CYP20A1: variants seen among roughly 807,000 people sequenced by gnomAD.
CYP20A1 encodes the protein cytochrome P450 family 20 subfamily A member 1.
Under a neutral mutation model 61.4 loss-of-function variants are expected in CYP20A1, and 61 were observed. The ratio of observed to expected loss-of-function variants is 0.99; its 90% CI spans 0.81 to 1.23. The LOEUF (loss-of-function observed/expected upper bound fraction) is 1.23, where lower values mean the gene tolerates loss of function less well. Ranked by LOEUF, CYP20A1 falls within the 50% of genes most tolerant of loss-of-function variation. The pLI is 0.00. For synonymous variants in CYP20A1, 193 were observed against 188.2 expected, an observed-to-expected ratio of 1.03 and a Z score of -0.21; for missense variants, 530 against 542.4, an observed-to-expected ratio of 0.98 and a Z score of 0.23.
intron 5 of CYP20A1, among the ~76,000 whole-genome samples, chr2:203,269,361 G>A (rs1317935771): frequency 6.6e-6 from 1 of 151,272 alleles, no homozygotes; most frequent in African/African-American, 2.4e-5. Context: ...AGACTGAGGG[G>A]AGGATCACTT....
intron 1 of CYP20A1, among the ~76,000 whole-genome samples, chr2:203,243,661 G>A (rs2066340665): frequency 6.7e-6 from 1 of 149,812 alleles, no homozygotes; most frequent in African/African-American, 2.5e-5. Context: ...TGGGATTACA[G>A]GTATGAGCCA....
At chr2:203,258,005 G>GCACAATTATAGCACACTTGAGC (rs1455916330) in intron 4 of CYP20A1, among the ~76,000 whole-genome samples, 1 of 151,752 alleles carries the variant, frequency 6.6e-6, no homozygotes. Flanking sequence ...GGGCTGAAGG[G>GCACAATTATAGCACACTTGAGC]ATCCTCCTGC....
At chr2:203,251,812 TATATAA>T (rs1321099417) in intron 3 of CYP20A1, among the ~76,000 whole-genome samples, 149 bp from the exon 4 acceptor site, 6 of 105,074 alleles carry the variant, frequency 5.7e-5, no homozygotes, top group African/African-American at 9.4e-5. Context: ...TATATATATA[TATATAA>T]AAAATAAAAA....
rs2069078905 is a variant in CYP20A1, at chr2:203,302,955, T to G, written c.*6047T>G. 6.6e-6 allele frequency among the ~76,000 whole-genome samples: 1 copy of G among 151,900 alleles called. No individual in the cohort carries two copies. The highest frequency in any genetic ancestry group is 2.4e-5 in the African/African-American group (1 of 41,328). On this transcript the variant is annotated 3_prime_UTR_variant, in exon 13 of 13. Coordinates refer to ENST00000356079, the MANE Select transcript of CYP20A1 (RefSeq NM_177538.3). ...ATCTGCCCAACTCAGCCTCCCAGAG[T>G]GCTGGGATTACAAGCATGAGCCACC...
At position 203,297,280 on chromosome 2, in the gene CYP20A1, A is replaced by C. The variant is rs2068842725; in HGVS notation, c.*372A>C. ...TGTTTGTTGAATATGTATAAAATAG[A>C]AACATAGGCTGGGCGCGGTGGCTCA... On this transcript the variant is annotated 3_prime_UTR_variant, in exon 13 of 13. Transcript: ENST00000356079. 1 of 175,906 alleles carries C rather than the reference A, an allele frequency of 5.7e-6. No individual in the cohort carries two copies. The highest frequency in any genetic ancestry group is 5.8e-5 in the Admixed American group (1 of 17,368). 10.9% of individuals were successfully genotyped at this position (175,906 alleles called of 1,614,324 possible).
rs1157985963 is a variant in CYP20A1, at chr2:203,302,471, CT to C, written c.*5564del. The stretch of plus-strand genomic sequence containing the variant: ...ATGGCTTGAGCTCAGGAAGTCAAGG[CT>C]ACAGTGAGCTGTGGTAGTGCCACTG... On this transcript the variant is annotated 3_prime_UTR_variant, in exon 13 of 13. Transcript: ENST00000356079. 1.3e-5 allele frequency among the ~76,000 whole-genome samples: 2 copies of C among 152,164 alleles called. No individual in the cohort carries two copies. The highest frequency in any genetic ancestry group is 2.9e-5 in the Non-Finnish European group (2 of 68,026).
In CYP20A1 at chr2:203,304,757, G is replaced by A. The variant is rs1375631529; in HGVS notation, c.*7849G>A. On this transcript the variant is annotated 3_prime_UTR_variant, in exon 13 of 13. Coordinates refer to ENST00000356079, the MANE Select transcript of CYP20A1 (RefSeq NM_177538.3). ...TTGAGACTAGCCTAGGCAACATGGC[G>A]AAACTGCATCTCTACAAAAAATACA... Among the ~76,000 whole-genome samples, 1 of 152,066 alleles carries A rather than the reference G, an allele frequency of 6.6e-6. No homozygotes were observed. The highest frequency in any genetic ancestry group is 1.5e-5 in the Non-Finnish European group (1 of 68,008).
chr2:203,298,908 G>A lies in CYP20A1; in HGVS notation c.*2000G>A, dbSNP rs1007969758. Among the ~76,000 whole-genome samples, 15 of 149,342 alleles carry A rather than the reference G, an allele frequency of 1.0e-4. No homozygotes were observed. The highest frequency in any genetic ancestry group is 4.0e-4 in the Admixed American group (6 of 14,940). ...AAATTATCTGGACATGCTGGCGTGC[G>A]CCTGTAGTCTCAGCTACTTGGGAGG... is the stretch of plus-strand genomic sequence containing the variant. On this transcript the variant is annotated 3_prime_UTR_variant, in exon 13 of 13. Transcript: ENST00000356079.
At chr2:203,263,715 A>G (rs1575205061) in intron 4 of CYP20A1, among the ~76,000 whole-genome samples, 1 of 152,282 alleles carries the variant, frequency 6.6e-6, no homozygotes, top group South Asian at 2.1e-4. Context: ...CCAGAAAGGT[A>G]GAATTTTTCT....
intron 5 of CYP20A1, among the ~76,000 whole-genome samples, chr2:203,271,657 C>G (rs1254593582): frequency 6.6e-6 from 1 of 152,058 alleles, no homozygotes; most frequent in Admixed American, 6.6e-5. Flanking sequence ...TTTTCTTTAC[C>G]TCAGCCAATG....
chr2:203,268,665 A>C (rs1257101271), intron 5 of CYP20A1, among the ~76,000 whole-genome samples: 1 of 151,688 alleles, frequency 6.6e-6, no homozygotes, highest in African/African-American at 2.4e-5. Flanking sequence ...CTTTCAAAGA[A>C]TTTTTTTTAT....
chr2:203,262,986 T>C (rs988924037), intron 4 of CYP20A1, among the ~76,000 whole-genome samples: 2 of 149,834 alleles, frequency 1.3e-5, no homozygotes, highest in Admixed American at 6.7e-5. Context: ...CAAGTGCTTT[T>C]TGTTTTCTGT....
chr2:203,271,173 C>T (rs1273992399), intron 5 of CYP20A1, among the ~76,000 whole-genome samples: 3 of 143,254 alleles, frequency 2.1e-5, no homozygotes, highest in Non-Finnish European at 3.0e-5. Flanking sequence ...CTGCAAGCTC[C>T]GCCTCCCGGG....
rs1358004246 is a variant in CYP20A1, at chr2:203,303,749, G to A, written c.*6841G>A. On this transcript the variant is annotated 3_prime_UTR_variant, in exon 13 of 13. Coordinates refer to ENST00000356079, the MANE Select transcript of CYP20A1 (RefSeq NM_177538.3). ...AACTTAACTGGCCTTTGGGGCACAT[G>A]CCTGTAATCCCAGCTTCTTGGGAGG... 1.3e-5 allele frequency among the ~76,000 whole-genome samples: 2 copies of A among 151,906 alleles called. No individual in the cohort carries two copies. Among genetic ancestry groups the A allele is most frequent in the African/African-American group, 2.4e-5 (1 of 41,364 alleles).
intron 6 of CYP20A1, among the ~76,000 whole-genome samples, chr2:203,273,854 T>G: frequency 1.3e-5 from 2 of 151,940 alleles, no homozygotes; most frequent in Non-Finnish European, 1.5e-5. Flanking sequence ...GGCTGAGGCA[T>G]GAGAACCGCT....
intron 8 of CYP20A1, among the ~76,000 whole-genome samples, chr2:203,281,050 G>A (rs114067450): frequency 1.6e-3 from 251 of 152,218 alleles, no homozygotes; most frequent in African/African-American, 5.3e-3. Context: ...AACTCCTCTC[G>A]TTGGAATTGA....
In CYP20A1 at chr2:203,297,235, T is replaced by C; in HGVS notation, c.*327T>C. 5.2e-6 allele frequency: 1 copy of C among 191,836 alleles called. No homozygotes were observed. The allele number at this position is 191,836 out of a possible 1,614,324, so 11.9% of individuals were successfully genotyped here. On this transcript the variant is annotated 3_prime_UTR_variant, in exon 13 of 13. Transcript: ENST00000356079. ...CAATGTTCTTGAAAAAGAAATTATT[T>C]TGCAGAAGTTGGGGAATCATGTTTG...
At chr2:203,241,580 G>A (rs2066256676) in intron 1 of CYP20A1, among the ~76,000 whole-genome samples, 1 of 152,236 alleles carries the variant, frequency 6.6e-6, no homozygotes, top group Admixed American at 6.5e-5. Context: ...GATGTTTTAA[G>A]CAGAAGAGGA....
At position 203,301,668 on chromosome 2, in the gene CYP20A1, A is replaced by C. The variant is rs2069026694; in HGVS notation, c.*4760A>C. ...CTGTGCATGTGTTTGGGAAAATTAA[A>C]AAAACTTACATAGTGCTTATTTGGC... On this transcript the variant is annotated 3_prime_UTR_variant, in exon 13 of 13. Coordinates refer to ENST00000356079, the MANE Select transcript of CYP20A1 (RefSeq NM_177538.3). Among the ~76,000 whole-genome samples the C allele has an allele frequency of 6.6e-6, 1 of 152,096 alleles. No homozygotes were observed. Among genetic ancestry groups the C allele is most frequent in the Admixed American group, 6.6e-5 (1 of 15,248 alleles).
Sources: allele counts gnomAD v4.1 joint callset (sites outside exome capture counted in the v4.1 genomes callset), GRCh38; gene constraint gnomAD v4.1.1; transcripts MANE v1.5; gene names NCBI Gene and HGNC (gene_info 2026-07-23, HGNC 2026-07-21).